The following ERMP1 variants were observed in gnomAD, a reference collection of about 807,000 sequenced individuals.
The protein encoded by ERMP1 is Felix-ina.
In ERMP1, 86 loss-of-function variants were observed where a neutral mutation model predicts 92.0. That is an observed-to-expected ratio of 0.93 (90% CI 0.79 to 1.12). The LOEUF (loss-of-function observed/expected upper bound fraction) is 1.12, where lower values mean the gene tolerates loss of function less well. Among genes scored for constraint, ERMP1 ranks in the 50% most tolerant of loss-of-function variants. ERMP1 has a pLI of 0.00. For synonymous variants in ERMP1, 530 were observed against 412.8 expected, an observed-to-expected ratio of 1.28 and a Z score of -3.44; for missense variants, 1,342 against 1,116.3, an observed-to-expected ratio of 1.20 and a Z score of -2.88.
chr9:5,857,889 G>A (rs749743638), intron 6 of ERMP1, among the ~76,000 whole-genome samples: 1 of 152,168 alleles, frequency 6.6e-6, no homozygotes, highest in Non-Finnish European at 1.5e-5. Flanking sequence ...ATTAGAAGAT[G>A]TCGACCCCAT....
At chr9:5,814,160 A>T (rs1236755677) in intron 4 of ERMP1, among the ~76,000 whole-genome samples, 1 of 152,162 alleles carries the variant, frequency 6.6e-6, no homozygotes, top group Non-Finnish European at 1.5e-5. Flanking sequence ...GATTTGTGAG[A>T]TCAATACATC....
At chr9:5,810,327 A>G (rs897076407) in intron 7 of ERMP1, 96 bp from the exon 8 acceptor site, 2 of 808,156 alleles carry the variant, frequency 2.5e-6, no homozygotes, top group Non-Finnish European at 4.0e-6. Context: ...TTAAAACAAA[A>G]AACTCCCCAC....
intron 6 of ERMP1, chr9:5,855,977 A>T: frequency 3.4e-6 from 1 of 292,164 alleles, no homozygotes; most frequent in Non-Finnish European, 7.0e-6. Flanking sequence ...TTCCTGCTGG[A>T]CTAATGGTTC....
In ERMP1 at chr9:5,832,886, T is replaced by C. The variant is rs1469085427; in HGVS notation, c.142A>G (p.Arg48Gly). Residue 48 changes from arginine (R) to glycine (G), a missense_variant, in exon 1 of 15, where the codon AGG becomes GGG. Arg to Gly is a moderately radical substitution (Grantham distance 125). Coordinates refer to ENST00000339450, the MANE Select transcript of ERMP1 (RefSeq NM_024896.3). The part of the protein sequence containing the change: ...PLVDGCSGGG[R>G]TRKRSPGGSG... The stretch of plus-strand genomic sequence containing the variant: ...CCCCCGGGGCTCCTCTTCCGCGTCC[T>C]CCCGCCGCCGCTGCACCCATCCACC... 11 of 1,536,588 alleles carry C rather than the reference T, an allele frequency of 7.2e-6. No homozygotes were observed. Among genetic ancestry groups the C allele is most frequent in the Middle Eastern group, 1.8e-4 (1 of 5,628 alleles).
intron 12 of ERMP1, among the ~76,000 whole-genome samples, chr9:5,798,412 C>T (rs567477022): frequency 6.6e-6 from 1 of 152,120 alleles, no homozygotes; most frequent in Admixed American, 6.5e-5. Flanking sequence ...GACACGGTTT[C>T]TCCAGGTTTG....
chr9:5,815,820 C>A (rs1365074600), intron 4 of ERMP1, among the ~76,000 whole-genome samples: 2 of 151,914 alleles, frequency 1.3e-5, no homozygotes, highest in Non-Finnish European at 2.9e-5. Context: ...CAAACAGATA[C>A]CACATGCATC....
intron 4 of ERMP1, among the ~76,000 whole-genome samples, chr9:5,816,331 A>T (rs1054648736): frequency 2.0e-5 from 3 of 152,204 alleles, no homozygotes; most frequent in African/African-American, 7.2e-5. Context: ...TCTGTTACAG[A>T]AGAGCATGTC....
chr9:5,798,010 T>G, intron 12 of ERMP1, 78 bp from the exon 13 acceptor site: 1 of 861,776 alleles, frequency 1.2e-6, no homozygotes, highest in Non-Finnish European at 1.9e-6. Flanking sequence ...CTGTTCAGCA[T>G]ATATGAACAC....
chr9:5,810,253 G>C (rs1370015068), intron 7 of ERMP1, 22 bp from the exon 8 acceptor site: 1 of 1,568,740 alleles, frequency 6.4e-7, no homozygotes, highest in Non-Finnish European at 8.8e-7. Flanking sequence ...AAAACAAAAA[G>C]TTGAAATCAC....
chr9:5,814,103 CAG>C (rs1829213441), intron 4 of ERMP1, among the ~76,000 whole-genome samples: 1 of 152,050 alleles, frequency 6.6e-6, no homozygotes, highest in Non-Finnish European at 1.5e-5. Flanking sequence ...CTCAACTGGG[CAG>C]AGTTTTCAAA....
chr9:5,849,464 T>C (rs4281158), intron 6 of ERMP1, among the ~76,000 whole-genome samples: 145,279 of 152,272 alleles, frequency 0.95, 69,584 homozygotes, highest in East Asian at 1. Context: ...CTGGCCAGGA[T>C]TAGAGCCCGA....
chr9:5,841,293 G>C (rs145228198), intron 6 of ERMP1, among the ~76,000 whole-genome samples: 2 of 152,184 alleles, frequency 1.3e-5, no homozygotes, highest in African/African-American at 4.8e-5. Context: ...GTACTGATAC[G>C]TACTATAATG....
intron 6 of ERMP1, among the ~76,000 whole-genome samples, chr9:5,853,200 C>T (rs913257428): frequency 6.6e-6 from 1 of 152,170 alleles, no homozygotes; most frequent in Non-Finnish European, 1.5e-5. Flanking sequence ...TTTCTTCATT[C>T]TGATACAGGA....
At position 5,798,941 on chromosome 9, in the gene ERMP1, T is replaced by C. The variant is rs759359238; in HGVS notation, c.2135A>G (p.Asn712Ser). 50 of 1,613,242 alleles carry C rather than the reference T, an allele frequency of 3.1e-5. No homozygotes were observed. Among genetic ancestry groups the C allele is most frequent in the East Asian group, 8.9e-5 (4 of 44,874 alleles). ...AGAAATTCCAGTATAATCAAACCCA[T>C]TGATCCATATTCCAGAGTCCCGTTT... ...AVKRDSGIWI[N>S]GFDYTGISHI... The change falls in exon 12 of 15, where the codon AAT becomes AGT. Residue 712 changes from asparagine (N) to serine (S), a missense_variant. Transcript: ENST00000339450.
intron 6 of ERMP1, among the ~76,000 whole-genome samples, chr9:5,858,859 C>A (rs1346247754): frequency 6.6e-6 from 1 of 152,168 alleles, no homozygotes; most frequent in Non-Finnish European, 1.5e-5. Context: ...CATAGCATAA[C>A]CTAATTCTCT....
chr9:5,818,310 A>T (rs1238268264), intron 4 of ERMP1, among the ~76,000 whole-genome samples: 1 of 152,222 alleles, frequency 6.6e-6, no homozygotes, highest in African/African-American at 2.4e-5. Context: ...GTCTGCATGC[A>T]AATGGAAATG....
At chr9:5,805,839 G>C (rs532460980) in intron 8 of ERMP1, 54 bp from the exon 9 acceptor site, 14 of 1,366,812 alleles carry the variant, frequency 1.0e-5, no homozygotes, top group Middle Eastern at 1.9e-4. Flanking sequence ...TGCATAAAGA[G>C]CTTTTATTAT....
chr9:5,846,456 G>C (rs903630916), intron 6 of ERMP1, among the ~76,000 whole-genome samples: 1 of 152,194 alleles, frequency 6.6e-6, no homozygotes, highest in Non-Finnish European at 1.5e-5. Context: ...CCATTTCACA[G>C]GGTTACCCTG....
chr9:5,798,800 A>T lies in ERMP1; in HGVS notation c.2270+6T>A. The T allele has an allele frequency of 1.2e-6, 2 of 1,606,276 alleles. No homozygotes were observed. Among genetic ancestry groups the T allele is most frequent in the Non-Finnish European group, 1.7e-6 (2 of 1,173,030 alleles). ...CTAACCTTAAGCAGAAAAATAATGA[A>T]CCAACCTGATCAGAAAGTGCACTGG... On this transcript the variant is annotated splice_donor_region_variant and intron_variant, in intron 12 of 14. Coordinates refer to ENST00000339450, the MANE Select transcript of ERMP1 (RefSeq NM_024896.3).
Sources: allele counts gnomAD v4.1 joint callset (sites outside exome capture counted in the v4.1 genomes callset), GRCh38; gene constraint gnomAD v4.1.1; transcripts MANE v1.5; gene names NCBI Gene and HGNC (gene_info 2026-07-23, HGNC 2026-07-21).